The following PEX5L variants were observed in gnomAD, a reference collection of about 807,000 sequenced individuals.
PEX5L encodes peroxisomal biogenesis factor 5 like.
Under a neutral mutation model 84.0 loss-of-function variants are expected in PEX5L, and 30 were observed. The ratio of observed to expected loss-of-function variants is 0.36; its 90% confidence interval spans 0.27 to 0.48. The LOEUF (loss-of-function observed/expected upper bound fraction) is 0.48. Ranked by LOEUF, PEX5L falls within the 20% of genes least tolerant of loss-of-function variation. PEX5L has a pLI of 0.99. For synonymous variants in PEX5L, 270 were observed against 283.1 expected (o/e 0.95, Z 0.46); for missense variants, 533 against 754.6 (o/e 0.71, Z 3.44).
intron 3 of PEX5L, among the ~76,000 whole-genome samples, chr3:179,891,603 G>A (rs1202962342): frequency 6.6e-6 from 1 of 151,984 alleles, no homozygotes; most frequent in East Asian, 1.9e-4. Context: ...TGTCTAAAAG[G>A]GGTTCAATAA....
chr3:179,801,991 C>T lies in PEX5L; in HGVS notation c.1718G>A (p.Arg573Lys), dbSNP rs1719015321. The change falls in exon 15 of 15, where the codon AGA becomes AAA. Residue 573 changes from arginine (R) to lysine (K), a missense_variant. This residue lies in a region of PEX5L where 105 missense variants were observed against 204.6 expected (regional missense o/e 0.51). Coordinates refer to ENST00000467460, the MANE Select transcript of PEX5L (RefSeq NM_016559.3). ...SNFLTALSLQ[R>K]KSRNQQQVPH... ...AACTTGCTGCTGATTCCTGCTCTTT[C>T]TTTGCAAACTGAGGGCAGTGAGAAA... 1 of 1,613,940 alleles carries T rather than the reference C, an allele frequency of 6.2e-7. No homozygotes were observed. The highest frequency in any genetic ancestry group is 8.5e-7 in the Non-Finnish European group (1 of 1,179,932).
rs1478784782 is a variant in PEX5L at position 179,800,387 on chromosome 3, G to A, written c.*1441C>T. On this transcript the variant is annotated 3_prime_UTR_variant, in exon 15 of 15. Transcript: ENST00000467460. ...TGGGGAAGGTTCTAGACGAAGGAAG[G>A]AGACCAGGTAAAGAAGAATGGGATA... is the stretch of plus-strand genomic sequence containing the variant. The A allele has an allele frequency of 5.3e-5, 8 of 152,210 alleles. No homozygotes were observed. Among genetic ancestry groups the A allele is most frequent in the Admixed American group, 3.9e-4 (6 of 15,268 alleles). 9.4% of individuals were successfully genotyped at this position (152,210 alleles called of 1,614,324 possible).
At chr3:180,004,634 A>G (rs536497675) in intron 1 of PEX5L, among the ~76,000 whole-genome samples, 2 of 152,280 alleles carry the variant, frequency 1.3e-5, no homozygotes, top group Admixed American at 6.5e-5. Context: ...AAGTCTTGCT[A>G]TATAAATCAG....
intron 1 of PEX5L, among the ~76,000 whole-genome samples, chr3:180,029,518 G>A (rs1008873144): frequency 1.3e-5 from 2 of 152,198 alleles, no homozygotes; most frequent in African/African-American, 4.8e-5. Context: ...TGGTCGTTAT[G>A]GAGTCAATAT....
chr3:179,977,068 C>T (rs754853256), intron 1 of PEX5L, among the ~76,000 whole-genome samples: 1 of 152,168 alleles, frequency 6.6e-6, no homozygotes, highest in Non-Finnish European at 1.5e-5. Context: ...ATACCAAATA[C>T]TAAAAGTCTT....
At chr3:179,942,530 G>C (rs957510364) in intron 2 of PEX5L, among the ~76,000 whole-genome samples, 3 of 152,228 alleles carry the variant, frequency 2.0e-5, no homozygotes, top group Admixed American at 6.5e-5. Flanking sequence ...CGGAGGCGCG[G>C]AATCTCCTTT....
intron 8 of PEX5L, among the ~76,000 whole-genome samples, chr3:179,822,510 T>C (rs903350320): frequency 7.9e-5 from 12 of 152,368 alleles, no homozygotes; most frequent in Admixed American, 4.6e-4. Flanking sequence ...ACAGTTTTCA[T>C]TTAATTACAG....
intron 1 of PEX5L, among the ~76,000 whole-genome samples, chr3:179,999,156 G>A (rs975942074): frequency 2.0e-5 from 3 of 152,238 alleles, no homozygotes; most frequent in African/African-American, 7.2e-5. Context: ...GCATTTGGAA[G>A]AAGCATGATT....
chr3:179,899,034 GTA>G (rs1214083495), intron 2 of PEX5L, among the ~76,000 whole-genome samples: 1 of 151,802 alleles, frequency 6.6e-6, no homozygotes, highest in Non-Finnish European at 1.5e-5. Context: ...AAATGTATAT[GTA>G]TATATATAGA....
Position 179,859,087 on chromosome 3 carries a change from A to C in PEX5L, c.797T>G (p.Phe266Cys), listed in dbSNP as rs1206397651. ...CTCCACTGCTGCTTTTGCCCTTTCAAACTCTTCTTCTAAGGAGTGGTTTCT... is the reference window on the plus strand; with the variant it reads ...CTCCACTGCTGCTTTTGCCCTTTCACACTCTTCTTCTAAGGAGTGGTTTCT... The part of the protein sequence containing the change: ...LSRNHSLEEE[F>C]ERAKAAVESD... Residue 266 changes from phenylalanine (F) to cysteine (C), a missense_variant, in exon 8 of 15, where the codon TTT (phenylalanine) becomes TGT (cysteine). By Grantham distance (205) the Phe-to-Cys change is radical. This residue lies in a region of PEX5L where 10 missense variants were observed against 40.6 expected (regional missense o/e 0.25). Coordinates refer to ENST00000467460, the MANE Select transcript of PEX5L (RefSeq NM_016559.3). The C allele has an allele frequency of 6.2e-7, 1 of 1,613,878 alleles. No homozygotes were observed. The highest frequency in any genetic ancestry group is 1.3e-5 in the African/African-American group (1 of 75,054).
Position 179,800,262 on chromosome 3 carries a change from G to T in PEX5L, c.*1566C>A, listed in dbSNP as rs958428690. On this transcript the variant is annotated 3_prime_UTR_variant, in exon 15 of 15. Transcript: ENST00000467460. Reference sequence around the variant, plus strand: ...ATCCCAATTCTGTGGAGTCTTTTTTGTTGTTGTTGTTTTATTTTTTGTGGG... The same window carrying T: ...ATCCCAATTCTGTGGAGTCTTTTTTTTTGTTGTTGTTTTATTTTTTGTGGG... 3.3e-5 allele frequency: 5 copies of T among 152,064 alleles called. No individual in the cohort carries two copies. Among genetic ancestry groups the T allele is most frequent in the African/African-American group, 1.2e-4 (5 of 41,408 alleles). 9.4% of individuals were successfully genotyped at this position (152,064 alleles called of 1,614,324 possible). A position where few individuals can be genotyped will look rare whatever the true frequency, so the allele number is the denominator to read the frequency against.
At chr3:179,982,922 T>C (rs923086982) in intron 1 of PEX5L, among the ~76,000 whole-genome samples, 1 of 152,018 alleles carries the variant, frequency 6.6e-6, no homozygotes, top group African/African-American at 2.4e-5. Context: ...CATTTTTCTT[T>C]TAAAAAAAAC....
chr3:179,842,036 C>T (rs1560330000), intron 8 of PEX5L, among the ~76,000 whole-genome samples: 1 of 152,214 alleles, frequency 6.6e-6, no homozygotes, highest in Non-Finnish European at 1.5e-5. Context: ...TTTGAAAATA[C>T]TCCAAAGGTC....
At position 179,809,667 on chromosome 3, in the gene PEX5L, A is replaced by T; in HGVS notation, c.1156T>A (p.Cys386Ser). The T allele has an allele frequency of 6.9e-7, 1 of 1,458,850 alleles. No individual in the cohort carries two copies. The highest frequency in any genetic ancestry group is 2.5e-5 in the Admixed American group (1 of 40,004). The allele number at this position is 1,458,850 out of a possible 1,614,324, so 90.4% of individuals were successfully genotyped here. A position where few individuals can be genotyped will look rare whatever the true frequency, so the allele number is the denominator to read the frequency against. Residue 386 changes from cysteine (C) to serine (S), a missense_variant and splice_region_variant, in exon 12 of 15, where the codon TGC becomes AGC. By Grantham distance (112) the Cys-to-Ser change is moderately radical (BLOSUM62 -1). Around this residue, in one of 8 missense-constraint regions of PEX5L, gnomAD observed 32 missense variants for 45.5 expected, o/e 0.70. Coordinates refer to ENST00000467460, the MANE Select transcript of PEX5L (RefSeq NM_016559.3). ...AAGTTGTTGGGCTGTAATTCTAAGC[A>T]CCTGAAAAAAAAAAAGAAGCCAATT... Reference protein sequence around the residue: ...EQAAIVALQRCLELQPNNLKA... With the variant: ...EQAAIVALQRSLELQPNNLKA...
At chr3:179,897,511 T>A (rs898249306) in intron 3 of PEX5L, among the ~76,000 whole-genome samples, 2 of 152,112 alleles carry the variant, frequency 1.3e-5, no homozygotes, top group African/African-American at 4.8e-5. Context: ...TTATAATAAA[T>A]GCTGAAAATG....
rs1349560963 is a variant in PEX5L at position 179,969,573 on chromosome 3, A to G, written c.93+2021T>C. Among the ~76,000 whole-genome samples, 3 of 152,240 alleles carry G rather than the reference A, an allele frequency of 2.0e-5. No individual in the cohort carries two copies. In the East Asian group the frequency reaches 5.8e-4, roughly 29 times the overall value. ...AAATATTTTACTTTGAGATATCAAC[A>G]TTGTCGTTGTTTCAACCTAGGATTT... is the stretch of plus-strand genomic sequence containing the variant. On this transcript the variant is annotated intron_variant, in intron 2 of 14. Transcript: ENST00000467460.
intron 1 of PEX5L, among the ~76,000 whole-genome samples, chr3:179,985,879 C>T (rs1391642422): frequency 3.9e-5 from 6 of 152,130 alleles, no homozygotes; most frequent in African/African-American, 4.8e-5. Context: ...TTGTGGAGGC[C>T]GCACTCGGGC....
At chr3:179,828,793 G>C (rs1289724092) in intron 8 of PEX5L, among the ~76,000 whole-genome samples, 2 of 152,090 alleles carry the variant, frequency 1.3e-5, no homozygotes, top group East Asian at 3.9e-4. Context: ...TGTATCCTGC[G>C]ACCAGCTTTC....
intron 2 of PEX5L, chr3:179,922,006 A>C (rs768493723): frequency 1.3e-5 from 2 of 152,178 alleles, no homozygotes; most frequent in Non-Finnish European, 2.9e-5. Context: ...AACATATTGC[A>C]TTCACATAAT....
Sources: allele counts gnomAD v4.1 joint callset (sites outside exome capture counted in the v4.1 genomes callset), GRCh38; gene constraint gnomAD v4.1.1; regional missense constraint gnomAD v4.1.1; transcripts MANE v1.5; gene names NCBI Gene and HGNC (gene_info 2026-07-23, HGNC 2026-07-21).